Variants in RBFA observed in about 807,000 individuals in gnomAD.
The protein encoded by RBFA is ribosome binding factor A.
In RBFA, 16 loss-of-function variants were observed where a neutral mutation model predicts 27.9. The observed-to-expected ratio is 0.57, with a 90% CI of 0.39 to 0.87. The LOEUF (loss-of-function observed/expected upper bound fraction) is 0.87. RBFA is among the 40% of genes least tolerant of loss of function. The pLI, the probability that RBFA is intolerant of heterozygous loss-of-function variation, is 0.00. For missense variants in RBFA, 456 were observed against 432.1 expected (o/e 1.06, Z -0.49); for synonymous variants, 181 against 181.0 (o/e 1.00, Z 0.00).
rs1414380017 is a variant in RBFA, at chr18:80,036,688, G to A, written c.179G>A (p.Ser60Asn). The A allele has an allele frequency of 3.1e-6, 5 of 1,612,636 alleles. No homozygotes were observed. The Admixed American group carries it at 5.0e-5, about 16-fold the overall frequency. Residue 60 changes from serine (S) to asparagine (N), a missense_variant, in exon 2 of 7, where the codon AGT becomes AAT. Physicochemically the swap from Ser to Asn is conservative, Grantham distance 46 (BLOSUM62 1). Coordinates refer to ENST00000306735, the MANE Select transcript of RBFA (RefSeq NM_024805.3). Reference protein sequence around the residue: ...SKTKKKVWYESPSLGSHSTYK... With the variant: ...SKTKKKVWYENPSLGSHSTYK... ...CAAAGAAAAAAGGTTTGGTATGAAA[G>A]TCCTTCCTTGGGTTCTCACTCGGTG...
At chr18:80,045,468 G>A (rs2052044875) in intron 6 of RBFA, among the ~76,000 whole-genome samples, 1 of 151,916 alleles carries the variant, frequency 6.6e-6, no homozygotes, top group Non-Finnish European at 1.5e-5. Flanking sequence ...CTCGTGATCC[G>A]CCCGCCTCAG....
Position 80,048,119 on chromosome 18 carries a change from T to A in RBFA, c.*1964T>A, listed in dbSNP as rs949692979. ...ACGTTTTTGTATTTCCCTAGCAAGA[T>A]AACTTCAGGTTACAAGGCTCTGGTA... On this transcript the variant is annotated 3_prime_UTR_variant, in exon 7 of 7. Transcript: ENST00000306735. The A allele has an allele frequency of 7.2e-5, 11 of 152,252 alleles. No individual in the cohort carries two copies. Among genetic ancestry groups the A allele is most frequent in the African/African-American group, 1.7e-4 (7 of 41,470 alleles). 9.4% of individuals were successfully genotyped at this position (152,252 alleles called of 1,614,324 possible).
rs2052085417 is a variant in RBFA at position 80,050,030 on chromosome 18, T to C, written c.*3875T>C. Among the ~76,000 whole-genome samples, 1 of 152,228 alleles carries C rather than the reference T, an allele frequency of 6.6e-6. No homozygotes were observed. The highest frequency in any genetic ancestry group is 2.4e-5 in the African/African-American group (1 of 41,460). On this transcript the variant is annotated 3_prime_UTR_variant, in exon 7 of 7. Transcript: ENST00000306735. ...CTCTCTAAGGGCCTGAGACCCTCTC[T>C]TAGGAATAGAAGTACAGTTTTCTTC...
In RBFA at chr18:80,049,649, C is replaced by T. The variant is rs1200370221; in HGVS notation, c.*3494C>T. ...TGGTTCTCAAAGTTCCGGGCACATC[C>T]CCTGGGGGCTCATAAAACCAGACTG... On this transcript the variant is annotated 3_prime_UTR_variant, in exon 7 of 7. Transcript: ENST00000306735. Among the ~76,000 whole-genome samples, 1 of 152,232 alleles carries T rather than the reference C, an allele frequency of 6.6e-6. No homozygotes were observed. Among genetic ancestry groups the T allele is most frequent in the Non-Finnish European group, 1.5e-5 (1 of 68,038 alleles).
chr18:80,044,217 T>G lies in RBFA; in HGVS notation c.582T>G (p.Asp194Glu). The G allele has an allele frequency of 6.2e-7, 1 of 1,614,068 alleles. No individual in the cohort carries two copies. Among genetic ancestry groups the G allele is most frequent in the Non-Finnish European group, 8.5e-7 (1 of 1,179,896 alleles). The change falls in exon 6 of 7, where the codon GAT becomes GAG. Residue 194 changes from aspartate to glutamate, a missense_variant. Coordinates refer to ENST00000306735, the MANE Select transcript of RBFA (RefSeq NM_024805.3). ...CCCTCTGTGTTCCTCTGTAGCTTGA[T>G]CAGTTACTGGCAGTCGCAGACTTTG... ...DKGNAALAEL[D>E]QLLAVADFGP...
intron 5 of RBFA, among the ~76,000 whole-genome samples, chr18:80,042,607 A>T (rs1269936740): frequency 1.3e-5 from 2 of 152,034 alleles, no homozygotes. Context: ...TGTCTCTACT[A>T]AAAATACAAA....
At chr18:80,035,519 T>C (rs1388665181) in intron 1 of RBFA, 1 of 152,258 alleles carries the variant, frequency 6.6e-6, no homozygotes, top group Admixed American at 6.5e-5. Flanking sequence ...ATTATGGCTT[T>C]TGGGGAGGAA....
intron 6 of RBFA, 152 bp from the exon 7 acceptor site, chr18:80,045,622 A>C: frequency 2.2e-6 from 2 of 901,268 alleles, no homozygotes; most frequent in Non-Finnish European, 3.1e-6. Context: ...ACCTTCCTTC[A>C]CTCCTGTCTC....
chr18:80,040,005 G>A (rs1343278176), intron 4 of RBFA, among the ~76,000 whole-genome samples: 2 of 152,086 alleles, frequency 1.3e-5, no homozygotes, highest in African/African-American at 2.4e-5. Context: ...TGCCTCCCGG[G>A]TTCAAGTGAT....
chr18:80,038,639 A>G (rs750803722), intron 4 of RBFA, 22 bp downstream of exon 4: 2 of 1,558,280 alleles, frequency 1.3e-6, no homozygotes, highest in Admixed American at 1.8e-5. Context: ...TGCTTTCTGA[A>G]TGTACTTGCT....
In RBFA at chr18:80,046,082, CAG is replaced by C; in HGVS notation, c.962_963del (p.Glu321GlyfsTer71). 1 of 1,614,110 alleles carries C rather than the reference CAG, an allele frequency of 6.2e-7. No individual in the cohort carries two copies. ...GAGTACGAATGCTATGCCCCGGACA[CAG>C]AGGAGTTGGAGGCAGAGAGAGGAGG... On this transcript the variant is annotated frameshift_variant, in exon 7 of 7. Transcript: ENST00000306735. LOFTEE classifies it low-confidence loss of function (END_TRUNC).
rs11296170 is a variant in RBFA at position 80,047,699 on chromosome 18, GA to G, written c.*1554del. ...CACATGATGGTATGAGTAGGAGAGAGAAAAAAAAAAGGGAGCCAGAAATTAG... is the reference window on the plus strand; with the variant it reads ...CACATGATGGTATGAGTAGGAGAGAGAAAAAAAAAGGGAGCCAGAAATTAG... On this transcript the variant is annotated 3_prime_UTR_variant, in exon 7 of 7. Coordinates refer to ENST00000306735, the MANE Select transcript of RBFA (RefSeq NM_024805.3). Among the ~76,000 whole-genome samples, 115,596 of 151,196 alleles carry G rather than the reference GA, an allele frequency of 0.76. 44,805 individuals are homozygous for G. Among genetic ancestry groups the G allele is most frequent in the East Asian group, 0.91 (4,706 of 5,154 alleles).
chr18:80,037,758 G>A (rs1240450147), intron 3 of RBFA, among the ~76,000 whole-genome samples: 4 of 152,086 alleles, frequency 2.6e-5, no homozygotes, highest in African/African-American at 4.8e-5. Context: ...GCATGGTGGC[G>A]GGCGCCTGTA....
rs745979024 is a variant in RBFA at position 80,046,063 on chromosome 18, G to A, written c.940G>A (p.Glu314Lys). ...GGACCTGGTTGGTGCCCCGGAGTAC[G>A]AATGCTATGCCCCGGACACAGAGGA... is the stretch of plus-strand genomic sequence containing the variant. ...DLDLVGAPEY[E>K]CYAPDTEELE... The change falls in exon 7 of 7, where the codon GAA (glutamate) becomes AAA (lysine). Residue 314 changes from glutamate (E) to lysine (K), a missense_variant. By Grantham distance (56) the Glu-to-Lys change is moderately conservative. Coordinates refer to ENST00000306735, the MANE Select transcript of RBFA (RefSeq NM_024805.3). The A allele has an allele frequency of 8.7e-6, 14 of 1,614,032 alleles. No homozygotes were observed. Among genetic ancestry groups the A allele is most frequent in the East Asian group, 2.2e-5 (1 of 44,880 alleles).
In RBFA at chr18:80,049,307, G is replaced by A. The variant is rs562779803; in HGVS notation, c.*3152G>A. ...TGGGTCCACTCCTGGGGATTTCCAC[G>A]GCCTTTCCTGGGAGCAGGTTAGGGA... On this transcript the variant is annotated 3_prime_UTR_variant, in exon 7 of 7. Transcript: ENST00000306735. Among the ~76,000 whole-genome samples, 5 of 152,026 alleles carry A rather than the reference G, an allele frequency of 3.3e-5. No homozygotes were observed. The highest frequency in any genetic ancestry group is 1.2e-4 in the African/African-American group (5 of 41,350).
At position 80,049,435 on chromosome 18, in the gene RBFA, G is replaced by A. The variant is rs1326148253; in HGVS notation, c.*3280G>A. 2.0e-5 allele frequency among the ~76,000 whole-genome samples: 3 copies of A among 152,224 alleles called. No homozygotes were observed. Among genetic ancestry groups the A allele is most frequent in the African/African-American group, 4.8e-5 (2 of 41,450 alleles). ...GATTTTCCGCAGCTCTCCAGATGAC[G>A]TGCACGCACACTAAACACCCAGAAG... On this transcript the variant is annotated 3_prime_UTR_variant, in exon 7 of 7. Coordinates refer to ENST00000306735, the MANE Select transcript of RBFA (RefSeq NM_024805.3).
At position 80,048,642 on chromosome 18, in the gene RBFA, G is replaced by A. The variant is rs571858260; in HGVS notation, c.*2487G>A. On this transcript the variant is annotated 3_prime_UTR_variant, in exon 7 of 7. Transcript: ENST00000306735. The stretch of plus-strand genomic sequence containing the variant: ...CCCAGGCTGCTGCCCAGACCTCCAC[G>A]CCTGTGCCGGATGTGGTGTTGGCAT... Among the ~76,000 whole-genome samples, 1 of 152,342 alleles carries A rather than the reference G, an allele frequency of 6.6e-6. No homozygotes were observed. The highest frequency in any genetic ancestry group is 1.9e-4 in the East Asian group (1 of 5,188).
rs559817518 is a variant in RBFA at position 80,046,652 on chromosome 18, C to T, written c.*497C>T. Among the ~76,000 whole-genome samples the T allele has an allele frequency of 9.9e-5, 15 of 152,250 alleles. No individual in the cohort carries two copies. The highest frequency in any genetic ancestry group is 2.1e-4 in the Non-Finnish European group (14 of 67,998). On this transcript the variant is annotated 3_prime_UTR_variant, in exon 7 of 7. Transcript: ENST00000306735. Reference sequence around the variant, plus strand: ...CTGGGGCTGCTGGGTCGGCACGTGGCGCCGGGGGCTCCGTCCCTGACTGGC... The same window carrying T: ...CTGGGGCTGCTGGGTCGGCACGTGGTGCCGGGGGCTCCGTCCCTGACTGGC...
chr18:80,034,812 A>G, intron 1 of RBFA, 159 bp downstream of exon 1: 1 of 751,782 alleles, frequency 1.3e-6, no homozygotes, highest in East Asian at 3.4e-5. Context: ...CACTGTCAGC[A>G]TTTGCAGCTT....
Sources: gnomAD v4.1 joint callset for allele counts (sites outside exome capture counted in the v4.1 genomes callset) on GRCh38, gnomAD v4.1.1 for gene constraint, MANE v1.5 for transcripts, NCBI Gene and HGNC (gene_info 2026-07-23, HGNC 2026-07-21) for gene names.